DNPH1: variants seen among roughly 807,000 people sequenced by gnomAD.
The protein encoded by DNPH1 is 5-hydroxymethyl-dUMP N-hydrolase.
DNPH1 carries 18 observed loss-of-function variants against 15.7 expected under a neutral mutation model. The ratio of observed to expected loss-of-function variants is 1.15; its 90% CI spans 0.79 to 1.70. The LOEUF (loss-of-function observed/expected upper bound fraction) is 1.70, where lower values mean the gene tolerates loss of function less well. Among genes scored for constraint, DNPH1 ranks in the 40% most tolerant of loss-of-function variants. The probability of loss-of-function intolerance (pLI) is 0.00; values close to 1 mark genes in which losing one functional copy is unlikely to be tolerated. For missense variants in DNPH1, 262 were observed against 255.2 expected (o/e 1.03, Z -0.18); for synonymous variants, 114 against 107.9 (o/e 1.06, Z -0.35).
rs748615257 is a variant in DNPH1, at chr6:43,226,376, A to AC, written c.215dup (p.Asp73Ter). 4.3e-6 allele frequency: 7 copies of AC among 1,612,284 alleles called. No homozygotes were observed. The highest frequency in any genetic ancestry group is 2.2e-5 in the East Asian group (1 of 44,868). On this transcript the variant is annotated frameshift_variant, in exon 2 of 4. Transcript: ENST00000230431. LOFTEE classifies it high-confidence loss of function. This position sits in a 1 kb window ranked among gnomAD's most constrained non-coding sequence, Gnocchi z 4.1. ...GGTCCTGCTCATGGATGAGCCTGTC[A>AC]CCCCCAGCAGCCTCTTCCCCTGTGT...
rs757817285 is a variant in DNPH1 at position 43,229,295 on chromosome 6, G to C, written c.162C>G (p.Thr54=). 2 of 1,465,162 alleles carry C rather than the reference G, an allele frequency of 1.4e-6. No individual in the cohort carries two copies. Among genetic ancestry groups the C allele is most frequent in the Non-Finnish European group, 1.8e-6 (2 of 1,109,742 alleles). 90.8% of individuals were successfully genotyped at this position (1,465,162 alleles called of 1,614,324 possible). ...SRLRRFGTVL[T]EHVAAAELGA... Reference sequence around the variant, plus strand: ...CCAGCTCGGCGGCCGCCACGTGCTCGGTGAGCACTGTCCCGAATCGCCGCA... The same window carrying C: ...CCAGCTCGGCGGCCGCCACGTGCTCCGTGAGCACTGTCCCGAATCGCCGCA... The change falls in exon 1 of 4, where the codon ACC becomes ACG. Residue 54 remains threonine, a synonymous_variant. Coordinates refer to ENST00000230431, the MANE Select transcript of DNPH1 (RefSeq NM_006443.3).
intron 1 of DNPH1, among the ~76,000 whole-genome samples, chr6:43,228,727 G>C (rs1562072376): frequency 1.3e-5 from 2 of 151,164 alleles, no homozygotes; most frequent in Non-Finnish European, 2.9e-5. Context: ...TCGGGAGGCT[G>C]AGGCAAGAGA....
In DNPH1 at chr6:43,229,415, C is replaced by T. The variant is rs369710271; in HGVS notation, c.42G>A (p.Glu14=). 195 of 1,416,916 alleles carry T rather than the reference C, an allele frequency of 1.4e-4. No homozygotes were observed. Among genetic ancestry groups the T allele is most frequent in the Middle Eastern group, 7.0e-4 (3 of 4,304 alleles). 87.8% of individuals were successfully genotyped at this position (1,416,916 alleles called of 1,614,324 possible). A position where few individuals can be genotyped will look rare whatever the true frequency, so the allele number is the denominator to read the frequency against. The change falls in exon 1 of 4, where the codon GAG becomes GAA. Residue 14 remains glutamate, a synonymous_variant. Transcript: ENST00000230431. ...GGGCCGGGCGGCCAGGCTCCCCGCG[C>T]TCCCAGCTCTCGCTGCGCCCCGGCA... ...AMVPGRSESW[E]RGEPGRPALY...
Position 43,225,886 on chromosome 6 carries a change from A to C in DNPH1, c.377-5T>G, listed in dbSNP as rs767477743. On this transcript the variant is annotated splice_region_variant and splice_polypyrimidine_tract_variant and intron_variant, in intron 3 of 3. Coordinates refer to ENST00000230431, the MANE Select transcript of DNPH1 (RefSeq NM_006443.3). ...CCCGGATCATGGCCGAAAGCACTGGAAAGGGCAGGGAAAGGTGAAGCTGCC... is the reference window on the plus strand; with the variant it reads ...CCCGGATCATGGCCGAAAGCACTGGCAAGGGCAGGGAAAGGTGAAGCTGCC... The C allele has an allele frequency of 1.5e-5, 25 of 1,613,926 alleles. No homozygotes were observed. The highest frequency in any genetic ancestry group is 2.1e-5 in the Non-Finnish European group (25 of 1,180,000).
chr6:43,227,303 T>C (rs868215909), intron 1 of DNPH1, among the ~76,000 whole-genome samples: 6 of 150,144 alleles, frequency 4.0e-5, no homozygotes, highest in Non-Finnish European at 8.9e-5. Context: ...TAATCCCAGC[T>C]ACTCGGGAGG....
chr6:43,229,138 A>C, intron 1 of DNPH1, 123 bp downstream of exon 1: 1 of 1,021,146 alleles, frequency 9.8e-7, no homozygotes, highest in South Asian at 1.6e-5. Context: ...CCGGGGTAGG[A>C]GGGCGGGCTC....
At chr6:43,229,057 A>G (rs1776783310) in intron 1 of DNPH1, 1 of 509,726 alleles carries the variant, frequency 2.0e-6, no homozygotes, top group Non-Finnish European at 3.6e-6. Context: ...TTACACCCGC[A>G]GGCTTGCTGG....
At chr6:43,227,820 C>T (rs1776765337) in intron 1 of DNPH1, among the ~76,000 whole-genome samples, 1 of 151,976 alleles carries the variant, frequency 6.6e-6, no homozygotes, top group Non-Finnish European at 1.5e-5. Flanking sequence ...CCAGACTCAG[C>T]GGCTCATGTC....
chr6:43,226,271 A>C lies in DNPH1; in HGVS notation c.265+56T>G, dbSNP rs1038170215. ...TCTAGGTGTGGAGGCTGGGATGTCC[A>C]GGGGAACCCAGCACTCCAGAGGAGT... On this transcript the variant is annotated intron_variant, in intron 2 of 3. Coordinates refer to ENST00000230431, the MANE Select transcript of DNPH1 (RefSeq NM_006443.3). The surrounding 1 kb of genome is among the most constrained non-coding windows in gnomAD (Gnocchi z 4.1). 50 of 1,602,470 alleles carry C rather than the reference A, an allele frequency of 3.1e-5. No individual in the cohort carries two copies. Among genetic ancestry groups the C allele is most frequent in the Middle Eastern group, 3.3e-4 (2 of 6,034 alleles).
At position 43,226,634 on chromosome 6, in the gene DNPH1, C is replaced by A; in HGVS notation, c.197-239G>T. Reference sequence around the variant, plus strand: ...GGCCGAATGAGGAACATCAGCAGCACTAACTGTGGATGACATTGATTAGGG... The same window carrying A: ...GGCCGAATGAGGAACATCAGCAGCAATAACTGTGGATGACATTGATTAGGG... On this transcript the variant is annotated intron_variant, in intron 1 of 3. Transcript: ENST00000230431. This position sits in a 1 kb window ranked among gnomAD's most constrained non-coding sequence, Gnocchi z 4.1. 1 of 537,228 alleles carries A rather than the reference C, an allele frequency of 1.9e-6. No homozygotes were observed. Among genetic ancestry groups the A allele is most frequent in the East Asian group, 3.1e-5 (1 of 32,030 alleles). The allele number at this position is 537,228 out of a possible 1,614,324, so 33.3% of individuals were successfully genotyped here.
chr6:43,228,670 A>G (rs1288373934), intron 1 of DNPH1, among the ~76,000 whole-genome samples: 1 of 152,024 alleles, frequency 6.6e-6, no homozygotes, highest in Non-Finnish European at 1.5e-5. Flanking sequence ...TACTAAAAAT[A>G]CAAAAAGTAG....
rs1326967508 is a variant in DNPH1, at chr6:43,226,214, G to A, written c.266-71C>T. 7 of 1,602,720 alleles carry A rather than the reference G, an allele frequency of 4.4e-6. No individual in the cohort carries two copies. Among genetic ancestry groups the A allele is most frequent in the Non-Finnish European group, 4.3e-6 (5 of 1,175,844 alleles). On this transcript the variant is annotated intron_variant, in intron 2 of 3. Coordinates refer to ENST00000230431, the MANE Select transcript of DNPH1 (RefSeq NM_006443.3). This position sits in a 1 kb window ranked among gnomAD's most constrained non-coding sequence, Gnocchi z 4.1. ...GGTTCATAAGGAAGACGACGGTGTG[G>A]CTGTGGTGAGGAGGGAACTCTGGGA...
At position 43,226,593 on chromosome 6, in the gene DNPH1, T is replaced by C; in HGVS notation, c.197-198A>G. Reference sequence around the variant, plus strand: ...AAGAAAAATTCAACCCTATGCAAGGTGGGACATGTGATTAGGGCCGAATGA... The same window carrying C: ...AAGAAAAATTCAACCCTATGCAAGGCGGGACATGTGATTAGGGCCGAATGA... On this transcript the variant is annotated intron_variant, in intron 1 of 3. Coordinates refer to ENST00000230431, the MANE Select transcript of DNPH1 (RefSeq NM_006443.3). The surrounding 1 kb of genome is among the most constrained non-coding windows in gnomAD (Gnocchi z 4.1). The C allele has an allele frequency of 1.7e-6, 1 of 576,292 alleles. No homozygotes were observed. Among genetic ancestry groups the C allele is most frequent in the South Asian group, 2.2e-5 (1 of 45,308 alleles). The allele number at this position is 576,292 out of a possible 1,614,324, so 35.7% of individuals were successfully genotyped here.
chr6:43,229,251 A>G lies in DNPH1; in HGVS notation c.196+10T>C, dbSNP rs1231565035. ...CCGCGTCCCCGCGTCCCGCGGCCCC[A>G]GGGCCTCACCGCGCGCGCCCAGCTC... On this transcript the variant is annotated intron_variant, in intron 1 of 3. Transcript: ENST00000230431. The G allele has an allele frequency of 2.9e-6, 4 of 1,398,608 alleles. No homozygotes were observed. Among genetic ancestry groups the G allele is most frequent in the Non-Finnish European group, 3.7e-6 (4 of 1,075,946 alleles). The allele number at this position is 1,398,608 out of a possible 1,614,324, so 86.6% of individuals were successfully genotyped here.
At position 43,226,024 on chromosome 6, in the gene DNPH1, G is replaced by A. The variant is rs1582454525; in HGVS notation, c.376+9C>T. The A allele has an allele frequency of 6.2e-7, 1 of 1,613,784 alleles. No homozygotes were observed. Among genetic ancestry groups the A allele is most frequent in the Non-Finnish European group, 8.5e-7 (1 of 1,179,874 alleles). The stretch of plus-strand genomic sequence containing the variant: ...ATAGAAAGCCAGGAGGGAGGCTTGG[G>A]GTGCTCACCGCGGCCAGACTGCGGG... On this transcript the variant is annotated intron_variant, in intron 3 of 3. Transcript: ENST00000230431. The surrounding 1 kb of genome is among the most constrained non-coding windows in gnomAD (Gnocchi z 4.1).
In DNPH1 at chr6:43,225,701, A is replaced by G. The variant is rs1340439709; in HGVS notation, c.*32T>C. 4.3e-6 allele frequency: 7 copies of G among 1,612,142 alleles called. No individual in the cohort carries two copies. Among genetic ancestry groups the G allele is most frequent in the South Asian group, 1.1e-5 (1 of 91,062 alleles). On this transcript the variant is annotated 3_prime_UTR_variant, in exon 4 of 4. Transcript: ENST00000230431. ...AGGAATGGTACTAGAGCAGTGTCTGAGAATAGAAGAATTTAAGAAAGTGAG... is the reference window on the plus strand; with the variant it reads ...AGGAATGGTACTAGAGCAGTGTCTGGGAATAGAAGAATTTAAGAAAGTGAG...
Position 43,226,391 on chromosome 6 carries a change from TTCCC to T in DNPH1, c.197_200del (p.Gly66GlufsTer28). 1 of 1,611,120 alleles carries T rather than the reference TTCCC, an allele frequency of 6.2e-7. No individual in the cohort carries two copies. Among genetic ancestry groups the T allele is most frequent in the South Asian group, 1.1e-5 (1 of 90,922 alleles). On this transcript the variant is annotated frameshift_variant and splice_region_variant, in exon 2 of 4. Transcript: ENST00000230431. LOFTEE classifies it high-confidence loss of function. This position sits in a 1 kb window ranked among gnomAD's most constrained non-coding sequence, Gnocchi z 4.1. The stretch of plus-strand genomic sequence containing the variant: ...TGAGCCTGTCACCCCCAGCAGCCTC[TTCCC>T]CTGTGTTGAGGGAAAGCTGGTCAAG...
Position 43,228,826 on chromosome 6 carries a change from A to AAAAAC in DNPH1, c.196+430_196+434dup, listed in dbSNP as rs765662477. On this transcript the variant is annotated intron_variant, in intron 1 of 3. Coordinates refer to ENST00000230431, the MANE Select transcript of DNPH1 (RefSeq NM_006443.3). ...GGGCGACAGAGTGAGATTCCGTTTCAAAAACAAAACAAAACAAAACAAAAA... is the reference window on the plus strand; with the variant it reads ...GGGCGACAGAGTGAGATTCCGTTTCAAAAACAAAACAAAACAAAACAAAACAAAAA... Among the ~76,000 whole-genome samples, 121 of 152,120 alleles carry AAAAAC rather than the reference A, an allele frequency of 8.0e-4. 1 individual carries two copies. Among genetic ancestry groups the AAAAAC allele is most frequent in the Non-Finnish European group, 1.3e-3 (86 of 68,016 alleles).
chr6:43,227,929 A>C (rs1292290843), intron 1 of DNPH1, among the ~76,000 whole-genome samples: 2 of 152,032 alleles, frequency 1.3e-5, no homozygotes, highest in African/African-American at 4.8e-5. Flanking sequence ...GTCCCTATAA[A>C]AAATACAAAA....
Sources: gnomAD v4.1 joint callset for allele counts (sites outside exome capture counted in the v4.1 genomes callset) on GRCh38, gnomAD v4.1.1 for gene constraint, Gnocchi (gnomAD v3.1) non-coding constraint, MANE v1.5 for transcripts, NCBI Gene and HGNC (gene_info 2026-07-23, HGNC 2026-07-21) for gene names.